PLXDC2: variants seen among roughly 807,000 people sequenced by gnomAD.
The protein encoded by PLXDC2 is plexin domain-containing protein 2.
PLXDC2 carries 40 observed loss-of-function variants against 68.9 expected under a neutral mutation model. The observed-to-expected ratio is 0.58, with a 90% CI of 0.45 to 0.76. The LOEUF (loss-of-function observed/expected upper bound fraction) is 0.76. Among genes scored for constraint, PLXDC2 ranks in the 30% least tolerant of loss-of-function variants. The pLI is 0.00. For missense variants in PLXDC2, 644 were observed against 661.9 expected, an observed-to-expected ratio of 0.97 and a Z score of 0.30; for synonymous variants, 243 against 234.2, an observed-to-expected ratio of 1.04 and a Z score of -0.34.
intron 1 of PLXDC2, among the ~76,000 whole-genome samples, chr10:19,908,145 T>C (rs1027069827): frequency 6.6e-6 from 1 of 152,178 alleles, no homozygotes; most frequent in African/African-American, 2.4e-5. Flanking sequence ...GATGTTTTTA[T>C]CATTAAAATT....
intron 3 of PLXDC2, among the ~76,000 whole-genome samples, chr10:20,067,806 A>G (rs12265051): frequency 0.085 from 12,873 of 152,274 alleles, 1,142 homozygotes; most frequent in African/African-American, 0.22. Flanking sequence ...ATAATGTAAC[A>G]TAAAATCTAT....
chr10:20,004,908 T>C (rs1457579226), intron 2 of PLXDC2, among the ~76,000 whole-genome samples: 1 of 152,156 alleles, frequency 6.6e-6, no homozygotes, highest in Non-Finnish European at 1.5e-5. Context: ...AGGGGACTGT[T>C]TGGTGGGTAC....
intron 1 of PLXDC2, among the ~76,000 whole-genome samples, chr10:19,860,040 T>C (rs1837290210): frequency 6.6e-6 from 1 of 152,194 alleles, no homozygotes; most frequent in South Asian, 2.1e-4. Flanking sequence ...AGAAACCTAT[T>C]TGTATTCAAA....
chr10:20,039,095 G>T (rs1192635562), intron 2 of PLXDC2, among the ~76,000 whole-genome samples: 1 of 152,196 alleles, frequency 6.6e-6, no homozygotes, highest in African/African-American at 2.4e-5. Context: ...CTAGAGATCA[G>T]TTCACCTGTC....
rs1834076604 is a variant in PLXDC2, at chr10:20,146,318, T to TG, written c.665-1465dup. ...CTGTCTTCTTTTGCTCTATTTTTTT[T>TG]GTTTTCTCTTCTTTTCTTTTCTCTT... On this transcript the variant is annotated intron_variant, in intron 5 of 13. Transcript: ENST00000377252. Among the ~76,000 whole-genome samples, 3 of 151,486 alleles carry TG rather than the reference T, an allele frequency of 2.0e-5. No homozygotes were observed. The South Asian group carries it at 6.3e-4, about 32-fold the overall frequency.
intron 7 of PLXDC2, among the ~76,000 whole-genome samples, chr10:20,170,537 C>T (rs2131820505): frequency 6.6e-6 from 1 of 152,204 alleles, no homozygotes; most frequent in African/African-American, 2.4e-5. Context: ...ATAAAATAAC[C>T]TTAACAAACA....
rs536553013 is a variant in PLXDC2, at chr10:20,287,985, A to C, written c.*8166A>C. 10 of 33,208 alleles carry C rather than the reference A, an allele frequency of 3.0e-4. 1 individual carries two copies. Among genetic ancestry groups the C allele is most frequent in the Admixed American group, 1.5e-3 (5 of 3,290 alleles). 2.1% of individuals were successfully genotyped at this position (33,208 alleles called of 1,614,324 possible). A position where few individuals can be genotyped will look rare whatever the true frequency, so the allele number is the denominator to read the frequency against. ...AATTGGGCACTTCTTGCGGCGGGGGAGGGGGGGGGGGCGGTGGCTTTCCAG... is the reference window on the plus strand; with the variant it reads ...AATTGGGCACTTCTTGCGGCGGGGGCGGGGGGGGGGGCGGTGGCTTTCCAG... On this transcript the variant is annotated 3_prime_UTR_variant, in exon 14 of 14. Transcript: ENST00000377252.
chr10:20,106,071 C>T (rs889803404), intron 4 of PLXDC2, among the ~76,000 whole-genome samples: 5 of 152,168 alleles, frequency 3.3e-5, no homozygotes, highest in African/African-American at 1.2e-4. Context: ...ATTCTTGCCT[C>T]TAAGTAGTCA....
rs144114053 is a variant in PLXDC2 at position 19,922,141 on chromosome 10, G to A, written c.113-79634G>A. On this transcript the variant is annotated intron_variant, in intron 1 of 13. Transcript: ENST00000377252. ...CCCAAAGTGCTGGGATTACAGGCGT[G>A]AGCCACCGTTCTCAGCCAGGACAAC... Among the ~76,000 whole-genome samples the A allele has an allele frequency of 2.5e-3, 382 of 152,340 alleles. 2 individuals are homozygous for A. Among genetic ancestry groups the A allele is most frequent in the African/African-American group, 8.0e-3 (333 of 41,586 alleles).
chr10:19,994,549 G>C (rs1346204715), intron 1 of PLXDC2, among the ~76,000 whole-genome samples: 1 of 151,518 alleles, frequency 6.6e-6, no homozygotes, highest in Non-Finnish European at 1.5e-5. Context: ...GGGTTTTGCT[G>C]TGTTACCTAG....
intron 3 of PLXDC2, among the ~76,000 whole-genome samples, chr10:20,056,109 T>A (rs1292924982): frequency 6.6e-6 from 1 of 152,182 alleles, no homozygotes; most frequent in East Asian, 1.9e-4. Flanking sequence ...TACTATGTAG[T>A]TTTGATAGTG....
chr10:19,908,604 A>G (rs908502027), intron 1 of PLXDC2, among the ~76,000 whole-genome samples: 2 of 152,270 alleles, frequency 1.3e-5, no homozygotes, highest in African/African-American at 4.8e-5. Context: ...TGACGAGTCA[A>G]AGGTATTCTC....
chr10:20,161,917 G>C (rs1834297582), intron 6 of PLXDC2, among the ~76,000 whole-genome samples: 1 of 151,926 alleles, frequency 6.6e-6, no homozygotes, highest in Non-Finnish European at 1.5e-5. Context: ...TTTAATCCCA[G>C]CTACTCAGGA....
At chr10:20,222,768 G>A (rs899284070) in intron 12 of PLXDC2, among the ~76,000 whole-genome samples, 1 of 152,008 alleles carries the variant, frequency 6.6e-6, no homozygotes, top group African/African-American at 2.4e-5. Flanking sequence ...CAGGAGGATT[G>A]TATGAGCCCA....
intron 9 of PLXDC2, among the ~76,000 whole-genome samples, chr10:20,189,679 C>G (rs978751949): frequency 6.6e-6 from 1 of 150,804 alleles, no homozygotes; most frequent in African/African-American, 2.4e-5. Flanking sequence ...TAACTTTCCT[C>G]TGGAAAGATA....
intron 4 of PLXDC2, among the ~76,000 whole-genome samples, chr10:20,126,058 A>T (rs1344711963): frequency 3.4e-5 from 5 of 148,156 alleles, no homozygotes; most frequent in Admixed American, 6.8e-5. Context: ...GTATACATAT[A>T]TACACATATT....
chr10:20,094,818 A>G (rs1833326845), intron 4 of PLXDC2, among the ~76,000 whole-genome samples: 1 of 152,098 alleles, frequency 6.6e-6, no homozygotes, highest in African/African-American at 2.4e-5. Flanking sequence ...TTCCTCTGGG[A>G]CTCATGTCAT....
intron 4 of PLXDC2, among the ~76,000 whole-genome samples, chr10:20,078,242 G>A (rs1836485243): frequency 6.6e-6 from 1 of 152,110 alleles, no homozygotes; most frequent in African/African-American, 2.4e-5. Flanking sequence ...AATTAGCAGG[G>A]CATGGTGGTA....
intron 10 of PLXDC2, among the ~76,000 whole-genome samples, chr10:20,216,211 T>G (rs907930494): frequency 1.2e-4 from 19 of 152,308 alleles, no homozygotes; most frequent in African/African-American, 3.8e-4. Context: ...AATCATTTTC[T>G]TAGGCTTTCT....
Sources: allele counts gnomAD v4.1 joint callset (sites outside exome capture counted in the v4.1 genomes callset), GRCh38; gene constraint gnomAD v4.1.1; transcripts MANE v1.5; gene names NCBI Gene and HGNC (gene_info 2026-07-23, HGNC 2026-07-21).